LRRK2: variants seen among roughly 807,000 people sequenced by gnomAD.
LRRK2 encodes leucine-rich repeat serine/threonine-protein kinase 2.
A neutral mutation model predicts 302.6 loss-of-function variants in LRRK2; 203 were observed. The observed-to-expected ratio is 0.67, with a 90% CI of 0.60 to 0.75. LRRK2 has a LOEUF of 0.75. Ranked by LOEUF, LRRK2 falls within the 30% of genes least tolerant of loss-of-function variation. The pLI, the probability that LRRK2 is intolerant of heterozygous loss-of-function variation, is 0.00. For synonymous variants in LRRK2, 1,066 were observed against 1,031.9 expected (o/e 1.03, Z -0.63); for missense variants, 2,830 against 2,951.0 (o/e 0.96, Z 0.95).
intron 42 of LRRK2, among the ~76,000 whole-genome samples, chr12:40,347,163 T>A (rs756613748): frequency 6.6e-6 from 1 of 152,206 alleles, no homozygotes; most frequent in Non-Finnish European, 1.5e-5. Context: ...TTTAGAAACA[T>A]AGAGAAGGAA....
rs1269146918 is a variant in LRRK2, at chr12:40,364,924, A to C, written c.7264A>C (p.Asn2422His). The change falls in exon 49 of 51, where the codon AAC becomes CAC. Residue 2422 changes from asparagine to histidine, a missense_variant. Asn to His is a moderately conservative substitution (Grantham distance 68). Transcript: ENST00000298910. ...GRVKTLCLQKNTALWIGTGGG... is the reference protein window; with the variant it reads ...GRVKTLCLQKHTALWIGTGGG... Reference sequence around the variant, plus strand: ...AGTGAAAACCCTCTGCCTTCAGAAGAACACTGCTCTTTGGATAGGAACTGG... The same window carrying C: ...AGTGAAAACCCTCTGCCTTCAGAAGCACACTGCTCTTTGGATAGGAACTGG... 1 of 1,612,556 alleles carries C rather than the reference A, an allele frequency of 6.2e-7. No homozygotes were observed. Among genetic ancestry groups the C allele is most frequent in the Non-Finnish European group, 8.5e-7 (1 of 1,179,142 alleles).
At chr12:40,298,636 G>A in intron 24 of LRRK2, 143 bp downstream of exon 24, 2 of 1,034,870 alleles carry the variant, frequency 1.9e-6, no homozygotes, top group Admixed American at 2.1e-5. Context: ...GCCCAGCGTG[G>A]TGGTGCGCAC....
intron 4 of LRRK2, 76 bp downstream of exon 4, chr12:40,235,790 T>G: frequency 3.2e-6 from 2 of 631,702 alleles, no homozygotes; most frequent in Non-Finnish European, 5.1e-6. Flanking sequence ...TGTGTGTGTG[T>G]GTGTTTTTTT....
chr12:40,303,941 G>C lies in LRRK2; in HGVS notation c.3591-7G>C, dbSNP rs998822051. The C allele has an allele frequency of 6.2e-7, 1 of 1,613,254 alleles. No homozygotes were observed. On this transcript the variant is annotated splice_polypyrimidine_tract_variant and splice_region_variant and intron_variant, in intron 26 of 50. Coordinates refer to ENST00000298910, the MANE Select transcript of LRRK2 (RefSeq NM_198578.4). ...TTGGTTTATGTCTTTTCTGTGTATT[G>C]TTTTAGCTTGCGGTCTTTAGATATG...
At chr12:40,300,769 A>G (rs1565729239) in intron 25 of LRRK2, 1 of 470,976 alleles carries the variant, frequency 2.1e-6, no homozygotes, top group African/African-American at 2.0e-5. Flanking sequence ...TAATGATGGC[A>G]TAAATAAATG....
intron 32 of LRRK2, among the ~76,000 whole-genome samples, chr12:40,314,567 C>A (rs1165198527): frequency 3.9e-5 from 6 of 152,034 alleles, no homozygotes; most frequent in African/African-American, 1.4e-4. Context: ...TTGGCATGGT[C>A]TAACTGGGAC....
intron 16 of LRRK2, among the ~76,000 whole-genome samples, chr12:40,276,905 T>C (rs1336495680): frequency 1.3e-5 from 2 of 152,172 alleles, no homozygotes; most frequent in Non-Finnish European, 2.9e-5. Flanking sequence ...CAATCTCGGT[T>C]CACTGCAACC....
At chr12:40,268,599 A>G (rs1006055486) in intron 14 of LRRK2, among the ~76,000 whole-genome samples, 8 of 152,180 alleles carry the variant, frequency 5.3e-5, no homozygotes, top group Non-Finnish European at 1.2e-4. Flanking sequence ...TTTATGAACC[A>G]TTAGTAAAAA....
At chr12:40,341,001 A>G (rs1037997533) in intron 41 of LRRK2, among the ~76,000 whole-genome samples, 11 of 152,214 alleles carry the variant, frequency 7.2e-5, no homozygotes, top group African/African-American at 2.7e-4. Context: ...GTTTGAGTAC[A>G]GGGGGCTGGC....
intron 18 of LRRK2, among the ~76,000 whole-genome samples, chr12:40,281,440 A>G (rs1332856514): frequency 6.6e-6 from 1 of 152,216 alleles, no homozygotes; most frequent in East Asian, 1.9e-4. Context: ...GGTTTTGATA[A>G]TGCACTGCAT....
chr12:40,314,301 AT>A (rs373994974), intron 32 of LRRK2, 128 bp downstream of exon 32: 1 of 946,800 alleles, frequency 1.1e-6, no homozygotes, highest in South Asian at 1.4e-5. Flanking sequence ...TAGGCCACTG[AT>A]TTTTTTCTTT....
chr12:40,354,492 G>T lies in LRRK2; in HGVS notation c.6770G>T (p.Ser2257Ile), dbSNP rs1230230513. The change falls in exon 45 of 51, where the codon AGC becomes ATC. Residue 2257 changes from serine to isoleucine, a missense_variant and splice_region_variant. By Grantham distance (142) the Ser-to-Ile change is moderately radical (BLOSUM62 -2). Coordinates refer to ENST00000298910, the MANE Select transcript of LRRK2 (RefSeq NM_198578.4). ...CLYCNSFSKQ[S>I]KQKNFLLVGT... The stretch of plus-strand genomic sequence containing the variant: ...TATTGCAATTCCTTTTCCAAGCAAA[G>T]GTATGGTAGTGAATTTGATCAATGG... 1.2e-6 allele frequency: 2 copies of T among 1,613,466 alleles called. No homozygotes were observed. The highest frequency in any genetic ancestry group is 1.7e-6 in the Non-Finnish European group (2 of 1,179,634).
chr12:40,314,433 G>T (rs983347453), intron 32 of LRRK2, among the ~76,000 whole-genome samples: 2 of 151,952 alleles, frequency 1.3e-5, no homozygotes, highest in African/African-American at 2.4e-5. Flanking sequence ...AAAATATTTG[G>T]GTTCTAGAAC....
intron 14 of LRRK2, among the ~76,000 whole-genome samples, chr12:40,265,505 G>T (rs570638010): frequency 6.6e-6 from 1 of 152,320 alleles, no homozygotes; most frequent in South Asian, 2.1e-4. Context: ...GACTCCCTTT[G>T]TGGGAGTTGT....
At position 40,302,809 on chromosome 12, in the gene LRRK2, C is replaced by A; in HGVS notation, c.3517C>A (p.Pro1173Thr). The A allele has an allele frequency of 6.2e-7, 1 of 1,610,464 alleles. No individual in the cohort carries two copies. The highest frequency in any genetic ancestry group is 8.5e-7 in the Non-Finnish European group (1 of 1,177,320). The change falls in exon 26 of 51, where the codon CCT becomes ACT. Residue 1173 changes from proline (P) to threonine (T), a missense_variant. Pro to Thr is a conservative substitution (Grantham distance 38). Coordinates refer to ENST00000298910, the MANE Select transcript of LRRK2 (RefSeq NM_198578.4). ...NFLAAMPFLP[P>T]SMTILKLSQN... ...TTTAGCTGCTATGCCTTTCTTGCCT[C>A]CTTCTATGACAATCCTAAAATTATC...
chr12:40,264,843 T>C (rs1942940056), intron 14 of LRRK2, among the ~76,000 whole-genome samples: 1 of 152,204 alleles, frequency 6.6e-6, no homozygotes, highest in African/African-American at 2.4e-5. Flanking sequence ...AATTGTGTAA[T>C]GCAAAAAGTA....
In LRRK2 at chr12:40,368,999, A is replaced by G. The variant is rs1946959541; in HGVS notation, c.*1234A>G. 6.6e-6 allele frequency: 1 copy of G among 151,946 alleles called. No individual in the cohort carries two copies. The highest frequency in any genetic ancestry group is 2.4e-5 in the African/African-American group (1 of 41,406). The allele number at this position is 151,946 out of a possible 1,614,324, so 9.4% of individuals were successfully genotyped here. On this transcript the variant is annotated 3_prime_UTR_variant, in exon 51 of 51. Coordinates refer to ENST00000298910, the MANE Select transcript of LRRK2 (RefSeq NM_198578.4). The stretch of plus-strand genomic sequence containing the variant: ...TTCCCTGTGATAGGACAACTAGTAC[A>G]TTTAATATTCTCAGAACTTATGGCA...
At chr12:40,225,671 C>G in intron 2 of LRRK2, 31 bp downstream of exon 2, 1 of 1,565,018 alleles carries the variant, frequency 6.4e-7, no homozygotes, top group Non-Finnish European at 8.8e-7. Flanking sequence ...TCAACTCATT[C>G]TCCCTTCTGT....
At chr12:40,228,611 C>T (rs944500017) in intron 2 of LRRK2, among the ~76,000 whole-genome samples, 15 of 151,832 alleles carry the variant, frequency 9.9e-5, no homozygotes, top group African/African-American at 2.9e-4. Context: ...GATATAATCC[C>T]ATTTGCCTAT....
Sources: allele counts gnomAD v4.1 joint callset (sites outside exome capture counted in the v4.1 genomes callset), GRCh38; gene constraint gnomAD v4.1.1; transcripts MANE v1.5; gene names NCBI Gene and HGNC (gene_info 2026-07-23, HGNC 2026-07-21).